The following GAPT variants were observed in gnomAD, a reference collection of about 807,000 sequenced individuals.
GAPT encodes protein GAPT.
For missense variants in GAPT, 206 were observed against 189.2 expected (o/e 1.09, Z -0.52); for synonymous variants, 82 against 69.7 (o/e 1.18, Z -0.88).
chr5:58,492,335 T>C (rs184497066), intron 1 of GAPT, among the ~76,000 whole-genome samples: 16 of 152,292 alleles, frequency 1.1e-4, no homozygotes, highest in Admixed American at 8.5e-4. Context: ...GCAAATAACT[T>C]CTTAAATCAT....
chr5:58,495,599 C>T lies in GAPT; in HGVS notation c.*589C>T, dbSNP rs184915360. 1 of 164,728 alleles carries T rather than the reference C, an allele frequency of 6.1e-6. No homozygotes were observed. The highest frequency in any genetic ancestry group is 1.9e-4 in the East Asian group (1 of 5,188). 10.2% of individuals were successfully genotyped at this position (164,728 alleles called of 1,614,324 possible). A position where few individuals can be genotyped will look rare whatever the true frequency, so the allele number is the denominator to read the frequency against. On this transcript the variant is annotated 3_prime_UTR_variant, in exon 3 of 3. Coordinates refer to ENST00000502276, the MANE Select transcript of GAPT (RefSeq NM_001304431.2). Reference sequence around the variant, plus strand: ...TAATTCTAGATATCTTCTCCACCCTCCTTGCACCAGACTAAATCTGTATTA... The same window carrying T: ...TAATTCTAGATATCTTCTCCACCCTTCTTGCACCAGACTAAATCTGTATTA...
chr5:58,495,100 TC>T lies in GAPT; in HGVS notation c.*91del. ...GACAAGGAATCAAACTAAATGTTGATCAACTGTAGACTGGATAAAGAAAATG... is the reference window on the plus strand; with the variant it reads ...GACAAGGAATCAAACTAAATGTTGATAACTGTAGACTGGATAAAGAAAATG... On this transcript the variant is annotated 3_prime_UTR_variant, in exon 3 of 3. Transcript: ENST00000502276. 1.3e-6 allele frequency: 1 copy of T among 784,078 alleles called. No individual in the cohort carries two copies. Among genetic ancestry groups the T allele is most frequent in the Non-Finnish European group, 2.0e-6 (1 of 492,770 alleles). The allele number at this position is 784,078 out of a possible 1,614,324, so 48.6% of individuals were successfully genotyped here. A position where few individuals can be genotyped will look rare whatever the true frequency, so the allele number is the denominator to read the frequency against.
chr5:58,496,477 G>A lies in GAPT; in HGVS notation c.*1467G>A, dbSNP rs1032175744. 5 of 167,052 alleles carry A rather than the reference G, an allele frequency of 3.0e-5. No individual in the cohort carries two copies. Among genetic ancestry groups the A allele is most frequent in the Non-Finnish European group, 7.3e-5 (5 of 68,130 alleles). 10.3% of individuals were successfully genotyped at this position (167,052 alleles called of 1,614,324 possible). A position where few individuals can be genotyped will look rare whatever the true frequency, so the allele number is the denominator to read the frequency against. ...GAGACATGGATCCTGAACACATACA[G>A]TCTAGTAGGAAAGAAAACATAGTAA... On this transcript the variant is annotated 3_prime_UTR_variant, in exon 3 of 3. Coordinates refer to ENST00000502276, the MANE Select transcript of GAPT (RefSeq NM_001304431.2).
At position 58,494,583 on chromosome 5, in the gene GAPT, T is replaced by A. The variant is rs1744377623; in HGVS notation, c.47T>A (p.Ile16Asn). ...GNNLAAISVG[I>N]SLLLLLVVCG... ...AATTTAGCGGCCATTTCTGTAGGAA[T>A]TTCGCTTCTTTTACTCTTAGTGGTT... Residue 16 changes from isoleucine to asparagine, a missense_variant, in exon 3 of 3, where the codon ATT (isoleucine) becomes AAT (asparagine). Transcript: ENST00000502276. 2 of 1,612,472 alleles carry A rather than the reference T, an allele frequency of 1.2e-6. No homozygotes were observed. The highest frequency in any genetic ancestry group is 1.7e-6 in the Non-Finnish European group (2 of 1,179,392).
intron 1 of GAPT, among the ~76,000 whole-genome samples, chr5:58,492,267 T>A (rs1333889660): frequency 6.6e-6 from 1 of 152,176 alleles, no homozygotes. Context: ...TTTCAAAAAG[T>A]TGATTAATTT....
chr5:58,494,350 TAA>T lies in GAPT; in HGVS notation c.-186_-185del, dbSNP rs1209260920. 2 of 537,458 alleles carry T rather than the reference TAA, an allele frequency of 3.7e-6. No individual in the cohort carries two copies. Among genetic ancestry groups the T allele is most frequent in the Admixed American group, 6.9e-5 (2 of 28,858 alleles). 33.3% of individuals were successfully genotyped at this position (537,458 alleles called of 1,614,324 possible). A position where few individuals can be genotyped will look rare whatever the true frequency, so the allele number is the denominator to read the frequency against. ...CACGAAGAGAGCCATCTTCCAGAAA[TAA>T]GTTTATACACTCTCTCCTCTAATTG... On this transcript the variant is annotated 5_prime_UTR_variant, in exon 3 of 3. It adds an upstream start codon to the 5' untranslated region. Transcript: ENST00000502276.
rs749639712 is a variant in GAPT, at chr5:58,494,954, C to T, written c.418C>T (p.Arg140Cys). The T allele has an allele frequency of 3.7e-6, 6 of 1,613,520 alleles. No homozygotes were observed. Among genetic ancestry groups the T allele is most frequent in the Middle Eastern group, 1.7e-4 (1 of 6,056 alleles). The change falls in exon 3 of 3, where the codon CGT (arginine) becomes TGT (cysteine). Residue 140 changes from arginine (R) to cysteine (C), a missense_variant. Physicochemically the swap from Arg to Cys is radical, Grantham distance 180. Transcript: ENST00000502276. The part of the protein sequence containing the change: ...SSDYYNFQKP[R>C]PSEVPQDEDI... The stretch of plus-strand genomic sequence containing the variant: ...TGACTATTATAACTTCCAGAAGCCT[C>T]GTCCTTCTGAAGTTCCTCAAGATGA...
intron 1 of GAPT, among the ~76,000 whole-genome samples, chr5:58,492,734 T>C (rs918178760): frequency 6.6e-6 from 1 of 152,172 alleles, no homozygotes; most frequent in African/African-American, 2.4e-5. Flanking sequence ...CATTAAACTT[T>C]TCATGAAAAC....
intron 1 of GAPT, among the ~76,000 whole-genome samples, chr5:58,492,543 T>C (rs1744285504): frequency 2.0e-5 from 3 of 152,078 alleles, no homozygotes; most frequent in Admixed American, 2.0e-4. Flanking sequence ...TCAATATTAC[T>C]CCCAAAAATT....
Position 58,496,560 on chromosome 5 carries a change from T to G in GAPT, c.*1550T>G, listed in dbSNP as rs150151803. 1 of 167,234 alleles carries G rather than the reference T, an allele frequency of 6.0e-6. No homozygotes were observed. The highest frequency in any genetic ancestry group is 1.5e-5 in the Non-Finnish European group (1 of 68,154). 10.4% of individuals were successfully genotyped at this position (167,234 alleles called of 1,614,324 possible). A position where few individuals can be genotyped will look rare whatever the true frequency, so the allele number is the denominator to read the frequency against. ...GATAGCTCATCTCTAAATCCACTCT[T>G]TTATTTGCTCCTCTGAATTGCTTGA... On this transcript the variant is annotated 3_prime_UTR_variant, in exon 3 of 3. Transcript: ENST00000502276.
Position 58,494,341 on chromosome 5 carries a change from T to A in GAPT, c.-196T>A, listed in dbSNP as rs902725295. 1.1e-5 allele frequency: 6 copies of A among 533,034 alleles called. No individual in the cohort carries two copies. The highest frequency in any genetic ancestry group is 1.3e-5 in the Non-Finnish European group (4 of 303,274). The allele number at this position is 533,034 out of a possible 1,614,324, so 33.0% of individuals were successfully genotyped here. A position where few individuals can be genotyped will look rare whatever the true frequency, so the allele number is the denominator to read the frequency against. On this transcript the variant is annotated 5_prime_UTR_variant, in exon 3 of 3. Coordinates refer to ENST00000502276, the MANE Select transcript of GAPT (RefSeq NM_001304431.2). ...AGCATCACACACGAAGAGAGCCATC[T>A]TCCAGAAATAAGTTTATACACTCTC...
rs1744433119 is a variant in GAPT at position 58,495,834 on chromosome 5, T to C, written c.*824T>C. On this transcript the variant is annotated 3_prime_UTR_variant, in exon 3 of 3. Coordinates refer to ENST00000502276, the MANE Select transcript of GAPT (RefSeq NM_001304431.2). ...GCCACATTATTTCTTTCACTTAAAA[T>C]GTTTTAATGCCCCCTCTTTGCAAAA... 1 of 166,854 alleles carries C rather than the reference T, an allele frequency of 6.0e-6. No individual in the cohort carries two copies. Among genetic ancestry groups the C allele is most frequent in the Non-Finnish European group, 1.5e-5 (1 of 68,116 alleles). The allele number at this position is 166,854 out of a possible 1,614,324, so 10.3% of individuals were successfully genotyped here. A position where few individuals can be genotyped will look rare whatever the true frequency, so the allele number is the denominator to read the frequency against.
chr5:58,494,869 A>G lies in GAPT; in HGVS notation c.333A>G (p.Leu111=). Residue 111 remains leucine, a synonymous_variant, in exon 3 of 3, where the codon CTA becomes CTG. Coordinates refer to ENST00000502276, the MANE Select transcript of GAPT (RefSeq NM_001304431.2). ...PKAKGKTDKE[L]YENTGQSNFE... ...CTAAAGGAAAAACCGATAAGGAACTATATGAAAACACAGGGCAGTCTAATT... is the reference window on the plus strand; with the variant it reads ...CTAAAGGAAAAACCGATAAGGAACTGTATGAAAACACAGGGCAGTCTAATT... 6.2e-7 allele frequency: 1 copy of G among 1,614,022 alleles called. No individual in the cohort carries two copies. Among genetic ancestry groups the G allele is most frequent in the Non-Finnish European group, 8.5e-7 (1 of 1,179,932 alleles).
rs1036165753 is a variant in GAPT at position 58,496,622 on chromosome 5, T to C, written c.*1612T>C. On this transcript the variant is annotated 3_prime_UTR_variant, in exon 3 of 3. Coordinates refer to ENST00000502276, the MANE Select transcript of GAPT (RefSeq NM_001304431.2). The stretch of plus-strand genomic sequence containing the variant: ...GCAAACATTTCTTTTGCCAGGTGGA[T>C]CCATTCTATTCTCTACCAATAGGGG... 2 of 167,096 alleles carry C rather than the reference T, an allele frequency of 1.2e-5. No individual in the cohort carries two copies. Among genetic ancestry groups the C allele is most frequent in the African/African-American group, 4.8e-5 (2 of 41,454 alleles). 10.4% of individuals were successfully genotyped at this position (167,096 alleles called of 1,614,324 possible).
chr5:58,494,897 G>C lies in GAPT; in HGVS notation c.361G>C (p.Glu121Gln), dbSNP rs745335760. 1.9e-6 allele frequency: 3 copies of C among 1,613,916 alleles called. No homozygotes were observed. The highest frequency in any genetic ancestry group is 2.5e-6 in the Non-Finnish European group (3 of 1,179,850). The change falls in exon 3 of 3, where the codon GAG (glutamate) becomes CAG (glutamine). Residue 121 changes from glutamate to glutamine, a missense_variant. Transcript: ENST00000502276. Reference protein sequence around the residue: ...LYENTGQSNFEEHIYGNETSS... With the variant: ...LYENTGQSNFQEHIYGNETSS... The stretch of plus-strand genomic sequence containing the variant: ...TGAAAACACAGGGCAGTCTAATTTC[G>C]AGGAGCATATCTATGGAAATGAGAC...
Position 58,494,947 on chromosome 5 carries a change from G to A in GAPT, c.411G>A (p.Gln137=), listed in dbSNP as rs1744400642. Residue 137 remains glutamine (Q), a synonymous_variant, in exon 3 of 3, where the codon CAG becomes CAA. Transcript: ENST00000502276. Reference sequence around the variant, plus strand: ...CATCTTCTGACTATTATAACTTCCAGAAGCCTCGTCCTTCTGAAGTTCCTC... The same window carrying A: ...CATCTTCTGACTATTATAACTTCCAAAAGCCTCGTCCTTCTGAAGTTCCTC... ...NETSSDYYNF[Q]KPRPSEVPQD... 6.2e-7 allele frequency: 1 copy of A among 1,613,722 alleles called. No homozygotes were observed. The highest frequency in any genetic ancestry group is 8.5e-7 in the Non-Finnish European group (1 of 1,179,812).
At position 58,494,565 on chromosome 5, in the gene GAPT, C is replaced by T. The variant is rs201073542; in HGVS notation, c.29C>T (p.Ala10Val). 34 of 1,611,120 alleles carry T rather than the reference C, an allele frequency of 2.1e-5. No homozygotes were observed. The East Asian group carries it at 2.2e-4, about 11-fold the overall frequency. Reference protein sequence around the residue: MSKSCGNNLAAISVGISLLL... With the variant: MSKSCGNNLVAISVGISLLL... Reference sequence around the variant, plus strand: ...TCGAAAAGCTGTGGAAATAATTTAGCGGCCATTTCTGTAGGAATTTCGCTT... The same window carrying T: ...TCGAAAAGCTGTGGAAATAATTTAGTGGCCATTTCTGTAGGAATTTCGCTT... The change falls in exon 3 of 3, where the codon GCG (alanine) becomes GTG (valine). Residue 10 changes from alanine to valine, a missense_variant. By Grantham distance (64) the Ala-to-Val change is moderately conservative (BLOSUM62 0). Coordinates refer to ENST00000502276, the MANE Select transcript of GAPT (RefSeq NM_001304431.2).
rs1301762321 is a variant in GAPT at position 58,494,273 on chromosome 5, C to G, written c.-264C>G. 2 of 359,402 alleles carry G rather than the reference C, an allele frequency of 5.6e-6. No individual in the cohort carries two copies. Among genetic ancestry groups the G allele is most frequent in the African/African-American group, 4.2e-5 (2 of 48,092 alleles). 22.3% of individuals were successfully genotyped at this position (359,402 alleles called of 1,614,324 possible). A position where few individuals can be genotyped will look rare whatever the true frequency, so the allele number is the denominator to read the frequency against. ...AAAGGAAGTGGAATGGAATAAAATC[C>G]CCCAATACAGTACAATTATACATTA... On this transcript the variant is annotated 5_prime_UTR_variant, in exon 3 of 3. Transcript: ENST00000502276.
At position 58,495,322 on chromosome 5, in the gene GAPT, GAA is replaced by G; in HGVS notation, c.*321_*322del. 3 of 256,386 alleles carry G rather than the reference GAA, an allele frequency of 1.2e-5. No homozygotes were observed. The highest frequency in any genetic ancestry group is 2.2e-5 in the Non-Finnish European group (3 of 134,854). 15.9% of individuals were successfully genotyped at this position (256,386 alleles called of 1,614,324 possible). ...CAGTGGAAGGAGGGAGAGGTTCAGG[GAA>G]AAAAAAAATATCAGGTACTATGCTT... On this transcript the variant is annotated 3_prime_UTR_variant, in exon 3 of 3. Transcript: ENST00000502276.
Sources: gnomAD v4.1 joint callset for allele counts (sites outside exome capture counted in the v4.1 genomes callset) on GRCh38, gnomAD v4.1.1 for gene constraint, MANE v1.5 for transcripts, NCBI Gene and HGNC (gene_info 2026-07-23, HGNC 2026-07-21) for gene names.